The following WDPCP variants were observed in gnomAD, a reference collection of about 807,000 sequenced individuals.
The protein encoded by WDPCP is WD repeat-containing and planar cell polarity effector protein fritz homolog.
A neutral mutation model predicts 93.1 loss-of-function variants in WDPCP; 71 were observed. That is an observed-to-expected ratio of 0.76 (90% confidence interval 0.63 to 0.93). The LOEUF (loss-of-function observed/expected upper bound fraction) is 0.93, where lower values mean the gene tolerates loss of function less well. Among genes scored for constraint, WDPCP ranks in the 40% least tolerant of loss-of-function variants. The pLI is 0.00. For missense variants in WDPCP, 844 were observed against 887.4 expected (o/e 0.95, Z 0.62); for synonymous variants, 315 against 315.0 (o/e 1.00, Z 0.00).
At chr2:63,727,147 G>C (rs112157200) in intron 2 of WDPCP, among the ~76,000 whole-genome samples, 6 of 152,284 alleles carry the variant, frequency 3.9e-5, no homozygotes, top group African/African-American at 1.4e-4. Flanking sequence ...GATGCTTTCA[G>C]CTTTTGCCCA....
chr2:63,370,828 GA>G (rs1369085796), intron 12 of WDPCP, among the ~76,000 whole-genome samples: 29 of 150,960 alleles, frequency 1.9e-4, no homozygotes, highest in South Asian at 2.1e-4. Flanking sequence ...TTTTCTGTTT[GA>G]CTAATCTTGT....
chr2:63,693,027 T>C (rs1172749733), intron 2 of WDPCP, among the ~76,000 whole-genome samples: 1 of 152,204 alleles, frequency 6.6e-6, no homozygotes, highest in East Asian at 1.9e-4. Context: ...ATCCCCATTC[T>C]ACAGATAAAA....
intron 3 of WDPCP, among the ~76,000 whole-genome samples, chr2:63,638,114 CAG>C (rs1709940497): frequency 1.3e-5 from 2 of 152,082 alleles, no homozygotes; most frequent in African/African-American, 2.4e-5. Flanking sequence ...CTCATAGAAA[CAG>C]AGTAGAATGG....
chr2:63,839,403 C>T, the WDPCP span, among the ~76,000 whole-genome samples: 2 of 152,214 alleles, frequency 1.3e-5, no homozygotes, highest in Non-Finnish European at 2.9e-5. Flanking sequence ...ACTAAAAATA[C>T]AAACATTAGC....
At chr2:63,477,814 C>A (rs1202226434) in intron 6 of WDPCP, 1 of 152,122 alleles carries the variant, frequency 6.6e-6, no homozygotes, top group Non-Finnish European at 1.5e-5. Context: ...TCTCACCTTA[C>A]CTGGAGCTGA....
intron 3 of WDPCP, among the ~76,000 whole-genome samples, chr2:63,595,217 CTG>C (rs1337792788): frequency 1.3e-5 from 2 of 152,110 alleles, no homozygotes; most frequent in African/African-American, 2.4e-5. Context: ...CTCACTGTGT[CTG>C]TTAGCAAACC....
intron 1 of WDPCP, among the ~76,000 whole-genome samples, chr2:63,507,174 C>A (rs1252091745): frequency 6.6e-6 from 1 of 151,602 alleles, no homozygotes; most frequent in African/African-American, 2.4e-5. Context: ...CAATGAATTA[C>A]AAAAGATACA....
At chr2:63,237,192 C>G (rs1488997742) in intron 14 of WDPCP, among the ~76,000 whole-genome samples, 2 of 151,824 alleles carry the variant, frequency 1.3e-5, no homozygotes, top group Admixed American at 6.6e-5. Flanking sequence ...AGACACTACT[C>G]AAAAGAAGAC....
intron 8 of WDPCP, 143 bp downstream of exon 8, chr2:63,437,278 G>T: frequency 1.4e-6 from 1 of 722,428 alleles, no homozygotes; most frequent in Non-Finnish European, 2.1e-6. Flanking sequence ...ACTGTTTACA[G>T]TTAATTAAGC....
intron 3 of WDPCP, among the ~76,000 whole-genome samples, chr2:63,619,558 A>G (rs1349771109): frequency 6.6e-6 from 1 of 152,132 alleles, no homozygotes; most frequent in Non-Finnish European, 1.5e-5. Flanking sequence ...TCTATGTCCT[A>G]TTTTACTAGA....
chr2:63,656,442 T>C (rs890790126), intron 2 of WDPCP, among the ~76,000 whole-genome samples: 2 of 152,166 alleles, frequency 1.3e-5, no homozygotes, highest in African/African-American at 4.8e-5. Flanking sequence ...CAAGGCCAAA[T>C]ACCTGGGCTA....
intron 9 of WDPCP, among the ~76,000 whole-genome samples, chr2:63,427,952 A>G (rs1035546563): frequency 2.6e-5 from 4 of 152,252 alleles, no homozygotes; most frequent in South Asian, 2.1e-4. Flanking sequence ...GAACATCACC[A>G]TGCATAAAAC....
intron 1 of WDPCP, among the ~76,000 whole-genome samples, chr2:63,509,675 G>C (rs949024850): frequency 6.6e-6 from 1 of 151,856 alleles, no homozygotes; most frequent in South Asian, 2.1e-4. Flanking sequence ...AAAATAGATA[G>C]ACCACTAGCC....
intron 13 of WDPCP, among the ~76,000 whole-genome samples, chr2:63,281,727 G>C (rs4671469): frequency 0.81 from 123,178 of 152,162 alleles, 50,650 homozygotes; most frequent in East Asian, 0.96. Context: ...CTCAGGAATG[G>C]AAAACTAAAC....
intron 14 of WDPCP, among the ~76,000 whole-genome samples, chr2:63,230,704 T>C (rs1032951329): frequency 6.6e-6 from 1 of 152,218 alleles, no homozygotes; most frequent in Non-Finnish European, 1.5e-5. Context: ...TGAGCATTTT[T>C]TCATGTGTCT....
At chr2:63,403,105 A>G (rs1694275091) in intron 10 of WDPCP, among the ~76,000 whole-genome samples, 1 of 152,182 alleles carries the variant, frequency 6.6e-6, no homozygotes, top group Admixed American at 6.5e-5. Flanking sequence ...AAAAAGAACA[A>G]GATAATGTTT....
At chr2:63,762,067 GC>G (rs1670063121) in intron 2 of WDPCP, among the ~76,000 whole-genome samples, 1 of 152,158 alleles carries the variant, frequency 6.6e-6, no homozygotes, top group Non-Finnish European at 1.5e-5. Context: ...TCTCTTTCTG[GC>G]CAAGGTTCAG....
intron 6 of WDPCP, among the ~76,000 whole-genome samples, chr2:63,481,928 G>A (rs1700287635): frequency 6.6e-6 from 1 of 150,962 alleles, no homozygotes; most frequent in Non-Finnish European, 1.5e-5. Flanking sequence ...ATAAAAACAG[G>A]AGAAAAAATA....
At chr2:63,764,575 TA>T (rs1334514047) in intron 2 of WDPCP, among the ~76,000 whole-genome samples, 5 of 152,110 alleles carry the variant, frequency 3.3e-5, no homozygotes, top group African/African-American at 4.8e-5. Context: ...GGTAAGTGAT[TA>T]AAAAAGCACA....
Sources: allele counts gnomAD v4.1 joint callset (sites outside exome capture counted in the v4.1 genomes callset), GRCh38; gene constraint gnomAD v4.1.1; transcripts MANE v1.5; gene names NCBI Gene and HGNC (gene_info 2026-07-23, HGNC 2026-07-21).